TBX2: variants seen among roughly 807,000 people sequenced by gnomAD.
TBX2 encodes T-box transcription factor TBX2.
A neutral mutation model predicts 48.4 loss-of-function variants in TBX2; 19 were observed. That is an observed-to-expected ratio of 0.39 (90% CI 0.27 to 0.58). The LOEUF (loss-of-function observed/expected upper bound fraction) is 0.58. Ranked by LOEUF, TBX2 falls within the 20% of genes least tolerant of loss-of-function variation. TBX2 has a pLI of 0.54. For missense variants in TBX2, 994 were observed against 1,006.5 expected, an observed-to-expected ratio of 0.99 and a Z score of 0.17; for synonymous variants, 522 against 459.7, an observed-to-expected ratio of 1.14 and a Z score of -1.73.
At position 61,401,961 on chromosome 17, in the gene TBX2, G is replaced by A. The variant is rs1569014939; in HGVS notation, c.663+10G>A. On this transcript the variant is annotated intron_variant, in intron 2 of 6. Coordinates refer to ENST00000240328, the MANE Select transcript of TBX2 (RefSeq NM_005994.4). The stretch of plus-strand genomic sequence containing the variant: ...TGACAAGCACGGCTTCGTGAGTGTT[G>A]GGGCAGGGTGGGGACGGTGCAGGAG... 1.9e-6 allele frequency: 3 copies of A among 1,583,192 alleles called. No individual in the cohort carries two copies. The highest frequency in any genetic ancestry group is 2.6e-6 in the Non-Finnish European group (3 of 1,163,392).
chr17:61,405,955 C>G, intron 6 of TBX2, 119 bp downstream of exon 6: 1 of 1,098,470 alleles, frequency 9.1e-7, no homozygotes, highest in Non-Finnish European at 1.2e-6. Flanking sequence ...CAGGCAAGAA[C>G]TCCATCCAGG....
At chr17:61,407,717 G>C in intron 6 of TBX2, 1 of 268,280 alleles carries the variant, frequency 3.7e-6, no homozygotes, top group Middle Eastern at 1.0e-3. Flanking sequence ...TTTGCCACCT[G>C]GCCCTATGCC....
At chr17:61,401,174 A>T (rs1225190443) in intron 1 of TBX2, among the ~76,000 whole-genome samples, 1 of 139,932 alleles carries the variant, frequency 7.1e-6, no homozygotes, top group Non-Finnish European at 1.6e-5. Flanking sequence ...CCACCCTTCG[A>T]CTCAGCCACC....
At position 61,400,656 on chromosome 17, in the gene TBX2, A is replaced by ACTCCCGG. The variant is rs961128988; in HGVS notation, c.395+104_395+110dup. The stretch of plus-strand genomic sequence containing the variant: ...TGCACGGATCAGAGCAGAGCTGGGG[A>ACTCCCGG]CTCCCGGCTCCCGGCTCCCGGCTCC... On this transcript the variant is annotated intron_variant, in intron 1 of 6. Transcript: ENST00000240328. This position sits in a 1 kb window ranked among gnomAD's most constrained non-coding sequence, Gnocchi z 9.2. 165 of 1,316,458 alleles carry ACTCCCGG rather than the reference A, an allele frequency of 1.3e-4. No homozygotes were observed. The highest frequency in any genetic ancestry group is 2.3e-4 in the South Asian group (16 of 68,868). The allele number at this position is 1,316,458 out of a possible 1,614,324, so 81.5% of individuals were successfully genotyped here.
intron 2 of TBX2, among the ~76,000 whole-genome samples, chr17:61,402,526 G>A (rs573493311): frequency 6.6e-6 from 1 of 150,408 alleles, no homozygotes; most frequent in South Asian, 2.2e-4. Flanking sequence ...AGGCCCCAGC[G>A]AACGGGGGTG....
chr17:61,400,071 AC>A lies in TBX2; in HGVS notation c.-103del, dbSNP rs1441997565. 1 of 488,686 alleles carries A rather than the reference AC, an allele frequency of 2.0e-6. No individual in the cohort carries two copies. The highest frequency in any genetic ancestry group is 2.1e-5 in the African/African-American group (1 of 46,592). 30.3% of individuals were successfully genotyped at this position (488,686 alleles called of 1,614,324 possible). ...CCGAGGAGCAGCTGCTGCGCCCGCC[AC>A]CCGGGTCGTCCGTCCACCGCGCGCG... is the stretch of plus-strand genomic sequence containing the variant. On this transcript the variant is annotated 5_prime_UTR_variant, in exon 1 of 7. Transcript: ENST00000240328. This position sits in a 1 kb window ranked among gnomAD's most constrained non-coding sequence, Gnocchi z 9.2.
At position 61,400,003 on chromosome 17, in the gene TBX2, G is replaced by T. The variant is rs1026849305; in HGVS notation, c.-174G>T. On this transcript the variant is annotated 5_prime_UTR_variant, in exon 1 of 7. Coordinates refer to ENST00000240328, the MANE Select transcript of TBX2 (RefSeq NM_005994.4). This position sits in a 1 kb window ranked among gnomAD's most constrained non-coding sequence, Gnocchi z 9.2. ...CGCGCAGAGCCCCCGCCGCCCCCGC[G>T]CACAGAGCCGGGTGCCCCTTGCGGT... The T allele has an allele frequency of 1.6e-4, 30 of 186,780 alleles. No homozygotes were observed. The highest frequency in any genetic ancestry group is 2.7e-4 in the Non-Finnish European group (27 of 100,434). The allele number at this position is 186,780 out of a possible 1,614,324, so 11.6% of individuals were successfully genotyped here. A position where few individuals can be genotyped will look rare whatever the true frequency, so the allele number is the denominator to read the frequency against.
chr17:61,400,539 A>G lies in TBX2; in HGVS notation c.363A>G (p.Leu121=). Residue 121 remains leucine, a synonymous_variant, in exon 1 of 7, where the codon CTA becomes CTG. Transcript: ENST00000240328. This position sits in a 1 kb window ranked among gnomAD's most constrained non-coding sequence, Gnocchi z 9.2. The part of the protein sequence containing the change: ...AKELWDQFHK[L]GTEMVITKSG... ...AGCTGTGGGACCAGTTCCACAAGCT[A>G]GGCACGGAGATGGTCATCACCAAGT... 6.3e-7 allele frequency: 1 copy of G among 1,579,558 alleles called. No individual in the cohort carries two copies. Among genetic ancestry groups the G allele is most frequent in the Non-Finnish European group, 8.6e-7 (1 of 1,162,910 alleles).
In TBX2 at chr17:61,400,352, G is replaced by C. The variant is rs867023713; in HGVS notation, c.176G>C (p.Gly59Ala). 3 of 1,012,440 alleles carry C rather than the reference G, an allele frequency of 3.0e-6. No homozygotes were observed. Among genetic ancestry groups the C allele is most frequent in the East Asian group, 9.8e-5 (1 of 10,178 alleles). 62.7% of individuals were successfully genotyped at this position (1,012,440 alleles called of 1,614,324 possible). A position where few individuals can be genotyped will look rare whatever the true frequency, so the allele number is the denominator to read the frequency against. ...AKPLPDPGLA[G>A]AAAAAAAAAA... ...CCGCTGCCCGACCCGGGCCTGGCGG[G>C]GGCGGCGGCCGCGGCGGCGGCGGCG... The change falls in exon 1 of 7, where the codon GGG (glycine) becomes GCG (alanine). Residue 59 changes from glycine (G) to alanine (A), a missense_variant. By Grantham distance (60) the Gly-to-Ala change is moderately conservative (BLOSUM62 0). Around this residue, in one of 5 missense-constraint regions of TBX2, gnomAD observed 165 missense variants for 136.8 expected, o/e 1.21. Transcript: ENST00000240328. This position sits in a 1 kb window ranked among gnomAD's most constrained non-coding sequence, Gnocchi z 9.2.
At position 61,400,413 on chromosome 17, in the gene TBX2, A is replaced by G; in HGVS notation, c.237A>G (p.Ala79=). The G allele has an allele frequency of 6.5e-7, 1 of 1,532,166 alleles. No individual in the cohort carries two copies. Among genetic ancestry groups the G allele is most frequent in the Non-Finnish European group, 8.8e-7 (1 of 1,141,630 alleles). 94.9% of individuals were successfully genotyped at this position (1,532,166 alleles called of 1,614,324 possible). ...CCGAGGCGGGGCTGCACGTCTCGGC[A>G]CTGGGCCCGCACCCGCCCGCCGCGC... ...AAAEAGLHVS[A]LGPHPPAAHL... The change falls in exon 1 of 7, where the codon GCA becomes GCG. Residue 79 remains alanine, a synonymous_variant. Transcript: ENST00000240328. This position sits in a 1 kb window ranked among gnomAD's most constrained non-coding sequence, Gnocchi z 9.2.
chr17:61,402,947 A>AGG, intron 2 of TBX2, 114 bp from the exon 3 acceptor site: 2 of 1,017,208 alleles, frequency 2.0e-6, no homozygotes, highest in African/African-American at 4.8e-5. Context: ...AGAGAGAGAG[A>AGG]GAGAGAGAGA....
In TBX2 at chr17:61,405,520, C is replaced by T. The variant is rs1241863002; in HGVS notation, c.1370C>T (p.Ala457Val). ...LAPLVVQTDS[A>V]SPLGAGHLPG... The stretch of plus-strand genomic sequence containing the variant: ...CCGCTGGTGGTGCAGACAGACAGTG[C>T]GTCCCCCCTGGGCGCCGGACACCTG... Residue 457 changes from alanine (A) to valine (V), a missense_variant, in exon 6 of 7, where the codon GCG (alanine) becomes GTG (valine). Physicochemically the swap from Ala to Val is moderately conservative, Grantham distance 64. Coordinates refer to ENST00000240328, the MANE Select transcript of TBX2 (RefSeq NM_005994.4). The T allele has an allele frequency of 1.9e-6, 3 of 1,586,292 alleles. No individual in the cohort carries two copies. The highest frequency in any genetic ancestry group is 1.7e-6 in the Non-Finnish European group (2 of 1,169,474).
Position 61,403,096 on chromosome 17 carries a change from C to T in TBX2, c.699C>T (p.Arg233=). 1 of 1,613,664 alleles carries T rather than the reference C, an allele frequency of 6.2e-7. No homozygotes were observed. The change falls in exon 3 of 7, where the codon CGC becomes CGT. Residue 233 remains arginine (R), a synonymous_variant. Coordinates refer to ENST00000240328, the MANE Select transcript of TBX2 (RefSeq NM_005994.4). This position sits in a 1 kb window ranked among gnomAD's most constrained non-coding sequence, Gnocchi z 5.8. The part of the protein sequence containing the change: ...ILNSMHKYQP[R]FHIVRANDIL... ...ACTCCATGCACAAGTACCAGCCGCG[C>T]TTCCACATAGTGCGAGCCAACGACA...
rs147490001 is a variant in TBX2 at position 61,401,717 on chromosome 17, C to T, written c.429C>T (p.Ser143=). The change falls in exon 2 of 7, where the codon AGC becomes AGT. Residue 143 remains serine, a synonymous_variant. Transcript: ENST00000240328. ...TCCCCCCCTTCAAGGTGCGAGTCAG[C>T]GGCCTGGACAAGAAGGCCAAGTATA... ...RMFPPFKVRV[S]GLDKKAKYIL... 10 of 1,612,582 alleles carry T rather than the reference C, an allele frequency of 6.2e-6. No individual in the cohort carries two copies. Among genetic ancestry groups the T allele is most frequent in the Non-Finnish European group, 8.5e-6 (10 of 1,179,868 alleles).
chr17:61,402,058 A>G, intron 2 of TBX2, 107 bp downstream of exon 2: 1 of 1,468,820 alleles, frequency 6.8e-7, no homozygotes, highest in Non-Finnish European at 9.0e-7. Context: ...GCGCTGGGCA[A>G]ACCCCCAGAG....
In TBX2 at chr17:61,400,353, G is replaced by A. The variant is rs2060259044; in HGVS notation, c.177G>A (p.Gly59=). The change falls in exon 1 of 7, where the codon GGG becomes GGA. Residue 59 remains glycine, a synonymous_variant. Transcript: ENST00000240328. This position sits in a 1 kb window ranked among gnomAD's most constrained non-coding sequence, Gnocchi z 9.2. The part of the protein sequence containing the change: ...AKPLPDPGLA[G]AAAAAAAAAA... ...CGCTGCCCGACCCGGGCCTGGCGGG[G>A]GCGGCGGCCGCGGCGGCGGCGGCGG... 2.0e-6 allele frequency: 2 copies of A among 1,013,156 alleles called. No homozygotes were observed. Among genetic ancestry groups the A allele is most frequent in the Non-Finnish European group, 2.4e-6 (2 of 851,022 alleles). 62.8% of individuals were successfully genotyped at this position (1,013,156 alleles called of 1,614,324 possible).
chr17:61,403,629 C>T lies in TBX2; in HGVS notation c.810+422C>T, dbSNP rs1246680387. Among the ~76,000 whole-genome samples, 2 of 152,046 alleles carry T rather than the reference C, an allele frequency of 1.3e-5. No individual in the cohort carries two copies. Among genetic ancestry groups the T allele is most frequent in the Non-Finnish European group, 2.9e-5 (2 of 68,008 alleles). Reference sequence around the variant, plus strand: ...ACCCGGGGCCCAGTTTTCACTCTCTCGGGGGGAGCCAGAGGGTGGGACAGG... The same window carrying T: ...ACCCGGGGCCCAGTTTTCACTCTCTTGGGGGGAGCCAGAGGGTGGGACAGG... On this transcript the variant is annotated intron_variant, in intron 3 of 6. Transcript: ENST00000240328. This position sits in a 1 kb window ranked among gnomAD's most constrained non-coding sequence, Gnocchi z 5.8.
In TBX2 at chr17:61,404,710, G is replaced by A; in HGVS notation, c.992G>A (p.Arg331Gln). The A allele has an allele frequency of 2.6e-6, 4 of 1,564,678 alleles. No individual in the cohort carries two copies. Among genetic ancestry groups the A allele is most frequent in the South Asian group, 2.3e-5 (2 of 85,926 alleles). ...DASSCDPPPA[R>Q]EPPTSPGAAP... Reference sequence around the variant, plus strand: ...TCGTCGTGCGACCCTCCCCCCGCGCGGGAACCACCCACCTCCCCGGGCGCA... The same window carrying A: ...TCGTCGTGCGACCCTCCCCCCGCGCAGGAACCACCCACCTCCCCGGGCGCA... The change falls in exon 5 of 7, where the codon CGG (arginine) becomes CAG (glutamine). Residue 331 changes from arginine to glutamine, a missense_variant. Arg to Gln is a conservative substitution (Grantham distance 43, BLOSUM62 1). Coordinates refer to ENST00000240328, the MANE Select transcript of TBX2 (RefSeq NM_005994.4).
Position 61,400,654 on chromosome 17 carries a change from G to A in TBX2, c.395+83G>A, listed in dbSNP as rs1476773158. 2.6e-5 allele frequency: 36 copies of A among 1,367,912 alleles called. No individual in the cohort carries two copies. The highest frequency in any genetic ancestry group is 4.9e-5 in the Admixed American group (2 of 40,960). 84.7% of individuals were successfully genotyped at this position (1,367,912 alleles called of 1,614,324 possible). A position where few individuals can be genotyped will look rare whatever the true frequency, so the allele number is the denominator to read the frequency against. On this transcript the variant is annotated intron_variant, in intron 1 of 6. Coordinates refer to ENST00000240328, the MANE Select transcript of TBX2 (RefSeq NM_005994.4). This position sits in a 1 kb window ranked among gnomAD's most constrained non-coding sequence, Gnocchi z 9.2. ...ACTGCACGGATCAGAGCAGAGCTGG[G>A]GACTCCCGGCTCCCGGCTCCCGGCT...
Sources: allele counts gnomAD v4.1 joint callset (sites outside exome capture counted in the v4.1 genomes callset), GRCh38; gene constraint gnomAD v4.1.1; regional missense constraint gnomAD v4.1.1; non-coding constraint Gnocchi (gnomAD v3.1); transcripts MANE v1.5; gene names NCBI Gene and HGNC (gene_info 2026-07-23, HGNC 2026-07-21).